The following IMMP2L variants were observed in gnomAD, a reference collection of about 807,000 sequenced individuals.
IMMP2L encodes inner mitochondrial membrane peptidase subunit 2.
Under a neutral mutation model 19.3 loss-of-function variants are expected in IMMP2L, and 18 were observed. The observed-to-expected ratio is 0.93, with a 90% CI of 0.64 to 1.38. The LOEUF (loss-of-function observed/expected upper bound fraction) is 1.38, where lower values mean the gene tolerates loss of function less well. Ranked by LOEUF, IMMP2L falls within the 40% of genes most tolerant of loss-of-function variation. IMMP2L has a pLI of 0.00. For missense variants in IMMP2L, 233 were observed against 218.2 expected (o/e 1.07, Z -0.43); for synonymous variants, 76 against 73.0 (o/e 1.04, Z -0.21).
intron 5 of IMMP2L, among the ~76,000 whole-genome samples, chr7:110,878,905 G>A (rs1435650145): frequency 1.3e-5 from 2 of 152,070 alleles, no homozygotes; most frequent in African/African-American, 4.8e-5. Flanking sequence ...TATTTATCAA[G>A]TTAGGAAAAG....
At chr7:110,826,672 C>T (rs1169670980) in intron 5 of IMMP2L, among the ~76,000 whole-genome samples, 1 of 151,868 alleles carries the variant, frequency 6.6e-6, no homozygotes, top group Non-Finnish European at 1.5e-5. Context: ...GAACATCACA[C>T]ACTGGGGCCT....
At chr7:111,466,215 A>C (rs556895149) in intron 3 of IMMP2L, among the ~76,000 whole-genome samples, 31 of 152,126 alleles carry the variant, frequency 2.0e-4, no homozygotes, top group Non-Finnish European at 5.9e-5. Flanking sequence ...TAGGAGATAC[A>C]CCTAATGTTA....
chr7:111,273,168 T>C (rs774459435), intron 3 of IMMP2L, among the ~76,000 whole-genome samples: 4 of 151,982 alleles, frequency 2.6e-5, no homozygotes, highest in Non-Finnish European at 5.9e-5. Flanking sequence ...TCCCAGCTAC[T>C]TGGGAGGCTG....
intron 3 of IMMP2L, among the ~76,000 whole-genome samples, chr7:111,453,063 T>C (rs542659590): frequency 1.3e-5 from 2 of 152,282 alleles, no homozygotes; most frequent in South Asian, 4.1e-4. Context: ...CTACCTAAAC[T>C]ACATGTTGTT....
In IMMP2L at chr7:111,213,586, T is replaced by C. The variant is rs1356883296; in HGVS notation, c.240-250021A>G. 6.6e-6 allele frequency among the ~76,000 whole-genome samples: 1 copy of C among 152,122 alleles called. No individual in the cohort carries two copies. The highest frequency in any genetic ancestry group is 1.5e-5 in the Non-Finnish European group (1 of 68,026). On this transcript the variant is annotated intron_variant, in intron 3 of 5. Coordinates refer to ENST00000405709, the MANE Select transcript of IMMP2L (RefSeq NM_032549.4). This position sits in a 1 kb window ranked among gnomAD's most constrained non-coding sequence, Gnocchi z 4.8. The stretch of plus-strand genomic sequence containing the variant: ...TGCCTATGGCCACCCTTGGACAAAC[T>C]GGTGCACACTTCCTCCCCTCTGAGG...
At chr7:111,407,601 G>A (rs199926070) in intron 3 of IMMP2L, among the ~76,000 whole-genome samples, 3 of 152,082 alleles carry the variant, frequency 2.0e-5, no homozygotes, top group East Asian at 3.9e-4. Context: ...TCCAGAAGGG[G>A]AAAATCAATA....
At position 111,431,767 on chromosome 7, in the gene IMMP2L, T is replaced by G. The variant is rs940458731; in HGVS notation, c.239+55471A>C. On this transcript the variant is annotated intron_variant, in intron 3 of 5. Transcript: ENST00000405709. ...ACTTTATAAAAAAGTCATAGAAGTA[T>G]AATTTCTCTTTCAGAAGTAATGGCT... Among the ~76,000 whole-genome samples, 49 of 151,910 alleles carry G rather than the reference T, an allele frequency of 3.2e-4. 2 individuals are homozygous for G. Among genetic ancestry groups the G allele is most frequent in the African/African-American group, 1.2e-3 (48 of 41,220 alleles).
chr7:110,800,165 G>A (rs996723728), intron 5 of IMMP2L, among the ~76,000 whole-genome samples: 11 of 151,914 alleles, frequency 7.2e-5, no homozygotes, highest in African/African-American at 2.4e-4. Context: ...TGTTGTTGCT[G>A]TACATTCTAT....
chr7:111,261,414 C>T (rs914293252), intron 3 of IMMP2L, among the ~76,000 whole-genome samples: 3 of 152,146 alleles, frequency 2.0e-5, no homozygotes, highest in African/African-American at 7.2e-5. Context: ...TCTTGTATGA[C>T]CAAGTCAGAA....
chr7:111,555,439 G>A (rs756477443), intron 1 of IMMP2L, among the ~76,000 whole-genome samples: 2 of 126,472 alleles, frequency 1.6e-5, no homozygotes, highest in Admixed American at 9.1e-5. Flanking sequence ...CAAACAAAGC[G>A]ACAACCTAAT....
At chr7:111,202,953 T>C (rs1479642525) in intron 3 of IMMP2L, among the ~76,000 whole-genome samples, 1 of 152,164 alleles carries the variant, frequency 6.6e-6, no homozygotes, top group South Asian at 2.1e-4. Context: ...GGCTTGAGTA[T>C]TGATCTCTTG....
chr7:111,364,616 C>T (rs1237853663), intron 3 of IMMP2L, among the ~76,000 whole-genome samples: 1 of 137,682 alleles, frequency 7.3e-6, no homozygotes, highest in Non-Finnish European at 1.5e-5. Context: ...GCTTGGGCTA[C>T]AGAGTGAGAC....
intron 2 of IMMP2L, among the ~76,000 whole-genome samples, chr7:111,503,825 A>G (rs2132477130): frequency 6.6e-6 from 1 of 152,304 alleles, no homozygotes; most frequent in Admixed American, 6.5e-5. Context: ...GTATCTCAAA[A>G]TAATAAGAGC....
At chr7:111,012,631 G>A (rs544428675) in intron 3 of IMMP2L, among the ~76,000 whole-genome samples, 36 of 152,216 alleles carry the variant, frequency 2.4e-4, no homozygotes, top group Middle Eastern at 3.4e-3. Context: ...TAGATTTAGA[G>A]CGACTATTTA....
At chr7:111,201,833 T>C (rs1458347239) in intron 3 of IMMP2L, among the ~76,000 whole-genome samples, 1 of 152,186 alleles carries the variant, frequency 6.6e-6, no homozygotes, top group Non-Finnish European at 1.5e-5. Flanking sequence ...AAGAGCTTGT[T>C]TGCCCCTTCC....
intron 3 of IMMP2L, among the ~76,000 whole-genome samples, chr7:111,038,896 G>T (rs540108857): frequency 1.3e-5 from 2 of 152,074 alleles, no homozygotes; most frequent in African/African-American, 4.8e-5. Context: ...ACTTGGGGAC[G>T]ATAACTCATT....
At chr7:111,289,934 A>G (rs932375349) in intron 3 of IMMP2L, among the ~76,000 whole-genome samples, 8 of 152,112 alleles carry the variant, frequency 5.3e-5, no homozygotes, top group African/African-American at 1.9e-4. Context: ...TTGATTAATG[A>G]ACATAAAACC....
intron 5 of IMMP2L, among the ~76,000 whole-genome samples, chr7:110,871,355 A>G (rs1808520816): frequency 6.6e-6 from 1 of 152,138 alleles, no homozygotes; most frequent in Non-Finnish European, 1.5e-5. Flanking sequence ...TTAAGTATGG[A>G]TGAACATTCA....
chr7:111,046,081 A>G (rs1792363906), intron 3 of IMMP2L, among the ~76,000 whole-genome samples: 1 of 152,210 alleles, frequency 6.6e-6, no homozygotes, highest in South Asian at 2.1e-4. Flanking sequence ...TACAAACTCA[A>G]AAAGATGAAA....
Sources: allele counts gnomAD v4.1 joint callset (sites outside exome capture counted in the v4.1 genomes callset), GRCh38; gene constraint gnomAD v4.1.1; non-coding constraint Gnocchi (gnomAD v3.1); transcripts MANE v1.5; gene names NCBI Gene and HGNC (gene_info 2026-07-23, HGNC 2026-07-21).